The following SPATS2L variants were observed in gnomAD, a reference collection of about 807,000 sequenced individuals.
SPATS2L encodes SPATS2-like protein.
Under a neutral mutation model 59.6 loss-of-function variants are expected in SPATS2L, and 30 were observed. The ratio of observed to expected loss-of-function variants is 0.50; its 90% CI spans 0.38 to 0.68. SPATS2L has a LOEUF of 0.68. Among genes scored for constraint, SPATS2L ranks in the 30% least tolerant of loss-of-function variants. The probability of loss-of-function intolerance (pLI) is 0.00; values close to 1 mark genes in which losing one functional copy is unlikely to be tolerated. For missense variants in SPATS2L, 615 were observed against 700.0 expected (o/e 0.88, Z 1.37); for synonymous variants, 252 against 263.5 (o/e 0.96, Z 0.42).
chr2:200,398,773 A>G (rs2082430127), intron 3 of SPATS2L, among the ~76,000 whole-genome samples: 1 of 152,160 alleles, frequency 6.6e-6, no homozygotes, highest in African/African-American at 2.4e-5. Flanking sequence ...CAAAAGGGAG[A>G]CTGTGCTGCG....
At chr2:200,371,665 G>A (rs1233019658) in intron 2 of SPATS2L, among the ~76,000 whole-genome samples, 2 of 152,162 alleles carry the variant, frequency 1.3e-5, no homozygotes, top group Admixed American at 6.5e-5. Flanking sequence ...AAGACAAAAT[G>A]TCTTATCTAC....
At chr2:200,418,621 A>G (rs1020413559) in intron 5 of SPATS2L, among the ~76,000 whole-genome samples, 1 of 151,820 alleles carries the variant, frequency 6.6e-6, no homozygotes, top group African/African-American at 2.4e-5. Context: ...ATAAATAATC[A>G]TGGGGATGAT....
At position 200,416,442 on chromosome 2, in the gene SPATS2L, T is replaced by G; in HGVS notation, c.198+14T>G. The G allele has an allele frequency of 7.4e-7, 1 of 1,358,890 alleles. No homozygotes were observed. Among genetic ancestry groups the G allele is most frequent in the Non-Finnish European group, 1.0e-6 (1 of 1,002,238 alleles). 84.2% of individuals were successfully genotyped at this position (1,358,890 alleles called of 1,614,324 possible). On this transcript the variant is annotated intron_variant, in intron 5 of 12. Transcript: ENST00000409140. ...GGAAAAAAGAAGGTAAGATTAATAT[T>G]GATTGTAAATTGGTAACATCTTCAA... is the stretch of plus-strand genomic sequence containing the variant.
At position 200,354,939 on chromosome 2, in the gene SPATS2L, C is replaced by T. The variant is rs991165072; in HGVS notation, c.-23+25459C>T. On this transcript the variant is annotated intron_variant, in intron 2 of 12. Transcript: ENST00000409140. ...TTGACATCTTGCCAGGGTTGTGTTT[C>T]GTAGCTATACATGACATTTAGGAAA... Among the ~76,000 whole-genome samples, 5 of 152,074 alleles carry T rather than the reference C, an allele frequency of 3.3e-5. No individual in the cohort carries two copies. In the East Asian group the frequency reaches 7.7e-4, roughly 23 times the overall value.
chr2:200,345,151 T>C (rs767553615), intron 2 of SPATS2L, among the ~76,000 whole-genome samples: 2 of 152,210 alleles, frequency 1.3e-5, no homozygotes, highest in Admixed American at 6.5e-5. Flanking sequence ...TGCCCATCCC[T>C]AGGTCCATAA....
intron 2 of SPATS2L, among the ~76,000 whole-genome samples, chr2:200,343,704 A>T (rs2080410155): frequency 6.6e-6 from 1 of 152,180 alleles, no homozygotes; most frequent in African/African-American, 2.4e-5. Flanking sequence ...AGATTAGTTA[A>T]ATATATTCTG....
chr2:200,358,595 C>CTT (rs34439081), intron 2 of SPATS2L, among the ~76,000 whole-genome samples: 9,839 of 147,960 alleles, frequency 0.066, 563 homozygotes, highest in Admixed American at 0.2. Flanking sequence ...GTGATATTTC[C>CTT]TTTTTTTTTT....
At position 200,481,347 on chromosome 2, in the gene SPATS2L, A is replaced by C. The variant is rs1011758198; in HGVS notation, c.*3316A>C. The C allele has an allele frequency of 1.1e-4, 16 of 152,262 alleles. No individual in the cohort carries two copies. The highest frequency in any genetic ancestry group is 2.1e-4 in the South Asian group (1 of 4,838). 9.4% of individuals were successfully genotyped at this position (152,262 alleles called of 1,614,324 possible). ...AAAAGCAGTTTTTTGACAAAGTAAC[A>C]GATTTGGAAATTCTGACTCTCTGAA... On this transcript the variant is annotated 3_prime_UTR_variant, in exon 13 of 13. Transcript: ENST00000409140.
intron 8 of SPATS2L, among the ~76,000 whole-genome samples, chr2:200,444,046 T>C (rs1399447267): frequency 6.6e-6 from 1 of 152,228 alleles, no homozygotes; most frequent in African/African-American, 2.4e-5. Context: ...ATAAAGATGA[T>C]ACAATGCTCT....
chr2:200,453,574 A>G (rs2085619613), intron 8 of SPATS2L, among the ~76,000 whole-genome samples: 1 of 152,208 alleles, frequency 6.6e-6, no homozygotes, highest in Non-Finnish European at 1.5e-5. Flanking sequence ...CTAGTGGGCA[A>G]AATTTAAGGG....
chr2:200,406,853 G>A (rs1242732798), intron 3 of SPATS2L, among the ~76,000 whole-genome samples: 1 of 152,142 alleles, frequency 6.6e-6, no homozygotes, highest in Non-Finnish European at 1.5e-5. Flanking sequence ...GAAGAAGAGG[G>A]GGTAAAACCA....
chr2:200,331,006 A>G (rs2079925349), intron 2 of SPATS2L, among the ~76,000 whole-genome samples: 1 of 152,234 alleles, frequency 6.6e-6, no homozygotes, highest in Non-Finnish European at 1.5e-5. Flanking sequence ...TTCTAATTAC[A>G]GCTCAAAGGC....
chr2:200,374,913 A>G (rs2081545993), intron 2 of SPATS2L, among the ~76,000 whole-genome samples: 2 of 152,236 alleles, frequency 1.3e-5, no homozygotes, highest in Non-Finnish European at 2.9e-5. Flanking sequence ...CCACTGTACT[A>G]AAAAAGTTTT....
intron 2 of SPATS2L, among the ~76,000 whole-genome samples, chr2:200,367,857 T>C (rs948469831): frequency 6.6e-6 from 1 of 152,242 alleles, no homozygotes; most frequent in Non-Finnish European, 1.5e-5. Context: ...AGATAAATGG[T>C]TCCTAACTGG....
chr2:200,448,205 G>A (rs1346661329), intron 8 of SPATS2L, among the ~76,000 whole-genome samples: 1 of 152,182 alleles, frequency 6.6e-6, no homozygotes, highest in African/African-American at 2.4e-5. Context: ...ACTTTGGGAG[G>A]CTGAGGTGGG....
At chr2:200,364,346 T>C (rs1471820428) in intron 2 of SPATS2L, among the ~76,000 whole-genome samples, 1 of 152,182 alleles carries the variant, frequency 6.6e-6, no homozygotes, top group Non-Finnish European at 1.5e-5. Context: ...CACCGGTTTG[T>C]TGTAATTGCT....
At chr2:200,455,033 G>C (rs2085738642) in intron 8 of SPATS2L, among the ~76,000 whole-genome samples, 1 of 152,186 alleles carries the variant, frequency 6.6e-6, no homozygotes, top group South Asian at 2.1e-4. Flanking sequence ...TGTGTTTGGT[G>C]AGTATCATGA....
intron 6 of SPATS2L, among the ~76,000 whole-genome samples, chr2:200,427,653 T>C (rs1474111649): frequency 6.6e-6 from 1 of 151,964 alleles, no homozygotes; most frequent in Admixed American, 6.6e-5. Context: ...TCATCAAGCT[T>C]CATAGGATTT....
chr2:200,434,886 C>T (rs189609106), intron 6 of SPATS2L, among the ~76,000 whole-genome samples: 1 of 152,038 alleles, frequency 6.6e-6, no homozygotes, highest in East Asian at 1.9e-4. Flanking sequence ...CTAAGATAGT[C>T]AAAACAATCT....
Sources: allele counts gnomAD v4.1 joint callset (sites outside exome capture counted in the v4.1 genomes callset), GRCh38; gene constraint gnomAD v4.1.1; transcripts MANE v1.5; gene names NCBI Gene and HGNC (gene_info 2026-07-23, HGNC 2026-07-21).